The following RBM20 variants were observed in gnomAD, a reference collection of about 807,000 sequenced individuals.
RBM20 encodes RNA-binding protein 20.
Under a neutral mutation model 110.1 loss-of-function variants are expected in RBM20, and 51 were observed. The observed-to-expected ratio is 0.46, with a 90% CI of 0.37 to 0.59. The LOEUF is 0.59. RBM20 is among the 20% of genes least tolerant of loss of function. The pLI, the probability that RBM20 is intolerant of heterozygous loss-of-function variation, is 0.00. For missense variants in RBM20, 1,512 were observed against 1,574.9 expected, an observed-to-expected ratio of 0.96 and a Z score of 0.68; for synonymous variants, 589 against 618.2, an observed-to-expected ratio of 0.95 and a Z score of 0.70.
chr10:110,647,348 G>C (rs1259418683), intron 1 of RBM20, among the ~76,000 whole-genome samples: 1 of 152,080 alleles, frequency 6.6e-6, no homozygotes, highest in Non-Finnish European at 1.5e-5. Context: ...GGAGTACAAT[G>C]ATTTCATTTC....
At chr10:110,732,228 T>C (rs923354156) in intron 1 of RBM20, among the ~76,000 whole-genome samples, 4 of 152,202 alleles carry the variant, frequency 2.6e-5, no homozygotes, top group African/African-American at 9.6e-5. Context: ...CACTTTTTTC[T>C]ATTCCCCTGT....
At chr10:110,742,533 C>T (rs534841364) in intron 1 of RBM20, among the ~76,000 whole-genome samples, 1 of 152,288 alleles carries the variant, frequency 6.6e-6, no homozygotes, top group South Asian at 2.1e-4. Flanking sequence ...CTCATCCTGG[C>T]CTTTTTCTGG....
chr10:110,703,505 G>A (rs573942022), intron 1 of RBM20, among the ~76,000 whole-genome samples: 2 of 152,168 alleles, frequency 1.3e-5, no homozygotes, highest in South Asian at 4.1e-4. Flanking sequence ...ATAACAGTTT[G>A]CAAAACTGTA....
intron 1 of RBM20, among the ~76,000 whole-genome samples, chr10:110,683,843 T>G (rs929136408): frequency 2.6e-5 from 4 of 152,244 alleles, no homozygotes; most frequent in Non-Finnish European, 5.9e-5. Context: ...GTGAAATGAT[T>G]GATGAATGTG....
Position 110,653,252 on chromosome 10 carries a change from C to T in RBM20, c.191+8607C>T, listed in dbSNP as rs184505467. Among the ~76,000 whole-genome samples the T allele has an allele frequency of 1.4e-4, 22 of 152,308 alleles. No individual in the cohort carries two copies. In the East Asian group the frequency reaches 3.1e-3, roughly 21 times the overall value. ...ATAGGAATGCCCATTATTATTTCTG[C>T]CACCCCAATTCCCACTCTGCTTCAA... On this transcript the variant is annotated intron_variant, in intron 1 of 13. Transcript: ENST00000369519.
At chr10:110,690,722 T>C (rs1440809420) in intron 1 of RBM20, among the ~76,000 whole-genome samples, 1 of 152,250 alleles carries the variant, frequency 6.6e-6, no homozygotes, top group African/African-American at 2.4e-5. Context: ...ATCAAAATTG[T>C]ATTCCTTTTT....
At chr10:110,782,458 G>T (rs4917585) in intron 2 of RBM20, among the ~76,000 whole-genome samples, 133,846 of 152,126 alleles carry the variant, frequency 0.88, 59,019 homozygotes, top group Middle Eastern at 0.98. Flanking sequence ...ATAGTATAAT[G>T]TCCCCCCAAA....
intron 5 of RBM20, among the ~76,000 whole-genome samples, chr10:110,791,698 G>T (rs376985248): frequency 5.3e-5 from 8 of 152,164 alleles, no homozygotes; most frequent in African/African-American, 1.2e-4. Flanking sequence ...TGCAGCCCCC[G>T]CATGTGAAAA....
At chr10:110,753,313 C>G (rs1843882755) in intron 1 of RBM20, among the ~76,000 whole-genome samples, 2 of 152,150 alleles carry the variant, frequency 1.3e-5, no homozygotes, top group Admixed American at 1.3e-4. Context: ...CCTTGGAACA[C>G]TCTAAAAATG....
At chr10:110,830,802 A>G (rs1845041272) in intron 12 of RBM20, among the ~76,000 whole-genome samples, 1 of 152,186 alleles carries the variant, frequency 6.6e-6, no homozygotes, top group Non-Finnish European at 1.5e-5. Flanking sequence ...AGGCCATGGA[A>G]TGGCTAAGTG....
intron 1 of RBM20, among the ~76,000 whole-genome samples, chr10:110,650,887 CT>C (rs1861936356): frequency 6.6e-6 from 1 of 152,164 alleles, no homozygotes; most frequent in African/African-American, 2.4e-5. Context: ...AAATCTCCTC[CT>C]TTGGTTTATT....
intron 1 of RBM20, among the ~76,000 whole-genome samples, chr10:110,680,989 G>T (rs4917579): frequency 0.68 from 103,252 of 152,130 alleles, 37,320 homozygotes; most frequent in Non-Finnish European, 0.8. Context: ...GACATGACTT[G>T]TTACATTCGT....
At chr10:110,746,981 A>G (rs558938990) in intron 1 of RBM20, among the ~76,000 whole-genome samples, 1 of 152,304 alleles carries the variant, frequency 6.6e-6, no homozygotes, top group Admixed American at 6.5e-5. Flanking sequence ...AGTTGTTTGT[A>G]TAACAGTGTC....
At chr10:110,740,800 G>C (rs2134967858) in intron 1 of RBM20, among the ~76,000 whole-genome samples, 1 of 152,280 alleles carries the variant, frequency 6.6e-6, no homozygotes, top group South Asian at 2.1e-4. Flanking sequence ...TCTAGGGGGT[G>C]TTGTCCAGCA....
intron 1 of RBM20, among the ~76,000 whole-genome samples, chr10:110,713,144 A>C (rs1040968312): frequency 6.6e-6 from 1 of 152,222 alleles, no homozygotes; most frequent in Non-Finnish European, 1.5e-5. Context: ...ATTGACATAC[A>C]TACAGGCTTG....
At chr10:110,761,651 G>A (rs1339100948) in intron 1 of RBM20, among the ~76,000 whole-genome samples, 1 of 152,172 alleles carries the variant, frequency 6.6e-6, no homozygotes, top group African/African-American at 2.4e-5. Flanking sequence ...GTCCCCACAC[G>A]TGGGGTGTAT....
chr10:110,745,633 C>T (rs1843771048), intron 1 of RBM20, among the ~76,000 whole-genome samples: 1 of 151,816 alleles, frequency 6.6e-6, no homozygotes, highest in Non-Finnish European at 1.5e-5. Context: ...TACGTATCTT[C>T]TCCAATAGCC....
At chr10:110,835,339 C>CTTTTTTTTTTTTTTTTTTTTTTT (rs35808301) in intron 13 of RBM20, 2 of 104,198 alleles carry the variant, frequency 1.9e-5, no homozygotes, top group African/African-American at 3.5e-5. Context: ...TTTTTTTTTT[C>CTTTTTTTTTTTTTTTTTTTTTTT]TTTTTTTTTT....
intron 1 of RBM20, among the ~76,000 whole-genome samples, chr10:110,678,168 A>T (rs1590611513): frequency 6.6e-6 from 1 of 152,384 alleles, no homozygotes; most frequent in South Asian, 2.1e-4. Context: ...TCTTATAGAC[A>T]ATGTGGGGAA....
Sources: allele counts gnomAD v4.1 joint callset (sites outside exome capture counted in the v4.1 genomes callset), GRCh38; gene constraint gnomAD v4.1.1; transcripts MANE v1.5; gene names NCBI Gene and HGNC (gene_info 2026-07-23, HGNC 2026-07-21).